Variants in PELI2 observed in about 807,000 individuals in gnomAD.
The protein encoded by PELI2 is pellino E3 ubiquitin protein ligase family member 2.
A neutral mutation model predicts 42.3 loss-of-function variants in PELI2; 23 were observed. That is an observed-to-expected ratio of 0.54 (90% CI 0.39 to 0.77). The LOEUF is 0.77. Among genes scored for constraint, PELI2 ranks in the 30% least tolerant of loss-of-function variants. The pLI, the probability that PELI2 is intolerant of heterozygous loss-of-function variation, is 0.00. For synonymous variants in PELI2, 245 were observed against 212.2 expected (o/e 1.15, Z -1.34); for missense variants, 463 against 553.2 (o/e 0.84, Z 1.64).
intron 2 of PELI2, among the ~76,000 whole-genome samples, chr14:56,230,303 T>C (rs757466483): frequency 6.6e-6 from 1 of 152,116 alleles, no homozygotes; most frequent in Non-Finnish European, 1.5e-5. Context: ...GATTGTCAGA[T>C]TCACCAAAGT....
intron 2 of PELI2, among the ~76,000 whole-genome samples, chr14:56,275,253 A>G (rs1228779825): frequency 2.6e-5 from 4 of 152,112 alleles, no homozygotes; most frequent in Admixed American, 2.6e-4. Context: ...ATAGGAAATC[A>G]TTATTGTCTA....
chr14:56,225,428 C>T (rs1057038257), intron 2 of PELI2, among the ~76,000 whole-genome samples: 1 of 152,102 alleles, frequency 6.6e-6, no homozygotes, highest in Non-Finnish European at 1.5e-5. Context: ...ATGAGGAGCC[C>T]GTGATTAGAG....
chr14:56,225,030 T>G (rs1887291219), intron 2 of PELI2, among the ~76,000 whole-genome samples: 1 of 152,180 alleles, frequency 6.6e-6, no homozygotes, highest in Admixed American at 6.6e-5. Context: ...TAACTGTATG[T>G]TCAGTGGATG....
chr14:56,181,840 ATGTGTGTGTGTG>A (rs3042510), intron 2 of PELI2, among the ~76,000 whole-genome samples: 19,280 of 148,340 alleles, frequency 0.13, 1,400 homozygotes, highest in Middle Eastern at 0.18. Context: ...TGATTATGTA[ATGTGTGTGTGTG>A]TGTGTGTGTG....
chr14:56,253,721 A>G (rs951530424), intron 2 of PELI2, among the ~76,000 whole-genome samples: 2 of 152,218 alleles, frequency 1.3e-5, no homozygotes, highest in Admixed American at 6.5e-5. Context: ...AAACGGAAAA[A>G]CATTCCACGC....
chr14:56,200,843 A>G (rs1350807351), intron 2 of PELI2, among the ~76,000 whole-genome samples: 1 of 152,178 alleles, frequency 6.6e-6, no homozygotes, highest in Non-Finnish European at 1.5e-5. Flanking sequence ...TCAAACAAAC[A>G]TTCTGATTGT....
At chr14:56,169,132 G>C (rs746056554) in intron 1 of PELI2, among the ~76,000 whole-genome samples, 1 of 152,136 alleles carries the variant, frequency 6.6e-6, no homozygotes, top group Non-Finnish European at 1.5e-5. Context: ...GCCACAAGCT[G>C]TGCAGCCTGA....
At chr14:56,208,833 A>G (rs1232726621) in intron 2 of PELI2, among the ~76,000 whole-genome samples, 1 of 152,190 alleles carries the variant, frequency 6.6e-6, no homozygotes, top group Non-Finnish European at 1.5e-5. Flanking sequence ...TTTTTACCTA[A>G]AAGAATGACA....
At chr14:56,167,476 AC>A (rs768732912) in intron 1 of PELI2, among the ~76,000 whole-genome samples, 11 of 152,296 alleles carry the variant, frequency 7.2e-5, no homozygotes, top group Admixed American at 2.0e-4. Flanking sequence ...ATTCTTCAGT[AC>A]ACCAATTGCA....
chr14:56,197,150 G>A lies in PELI2; in HGVS notation c.207+18686G>A, dbSNP rs947762715. On this transcript the variant is annotated intron_variant, in intron 2 of 5. Coordinates refer to ENST00000267460, the MANE Select transcript of PELI2 (RefSeq NM_021255.3). This position sits in a 1 kb window ranked among gnomAD's most constrained non-coding sequence, Gnocchi z 4.9. ...GGTCCCTGCACAAATGGAGGTTGTAGGGTCAGAGGCAGGCAATAAATAAGA... is the reference window on the plus strand; with the variant it reads ...GGTCCCTGCACAAATGGAGGTTGTAAGGTCAGAGGCAGGCAATAAATAAGA... Among the ~76,000 whole-genome samples, 1 of 152,158 alleles carries A rather than the reference G, an allele frequency of 6.6e-6. No homozygotes were observed. Among genetic ancestry groups the A allele is most frequent in the African/African-American group, 2.4e-5 (1 of 41,430 alleles).
intron 1 of PELI2, among the ~76,000 whole-genome samples, chr14:56,168,545 G>T (rs938727517): frequency 2.0e-5 from 3 of 152,042 alleles, no homozygotes; most frequent in Non-Finnish European, 4.4e-5. Flanking sequence ...AATGCTGCCT[G>T]GCCTGGGACT....
rs1384117799 is a variant in PELI2 at position 56,288,322 on chromosome 14, C to A, written c.310-115C>A. 1.3e-6 allele frequency: 1 copy of A among 746,448 alleles called. No individual in the cohort carries two copies. The highest frequency in any genetic ancestry group is 1.8e-5 in the South Asian group (1 of 56,044). The allele number at this position is 746,448 out of a possible 1,614,324, so 46.2% of individuals were successfully genotyped here. On this transcript the variant is annotated intron_variant, in intron 3 of 5. Transcript: ENST00000267460. The surrounding 1 kb of genome is among the most constrained non-coding windows in gnomAD (Gnocchi z 4.6). ...ATGAAAATCTTGCATTAAATTCTAA[C>A]CCTCAGAACAAGGATAGTGAATGTT...
At chr14:56,179,870 C>G (rs1885518929) in intron 2 of PELI2, among the ~76,000 whole-genome samples, 1 of 152,064 alleles carries the variant, frequency 6.6e-6, no homozygotes, top group Admixed American at 6.6e-5. Flanking sequence ...TTGTTTCCTT[C>G]CTCTTTTTTA....
intron 2 of PELI2, among the ~76,000 whole-genome samples, chr14:56,213,395 A>G (rs1367088925): frequency 6.6e-6 from 1 of 152,232 alleles, no homozygotes; most frequent in Non-Finnish European, 1.5e-5. Context: ...TTGGATACCC[A>G]GAGAGGAGTA....
At chr14:56,241,598 T>G (rs1375907706) in intron 2 of PELI2, among the ~76,000 whole-genome samples, 1 of 152,074 alleles carries the variant, frequency 6.6e-6, no homozygotes, top group Non-Finnish European at 1.5e-5. Flanking sequence ...GGAGTATATA[T>G]TCTGTTGGAA....
intron 1 of PELI2, among the ~76,000 whole-genome samples, chr14:56,176,402 T>G (rs1885386304): frequency 6.6e-6 from 1 of 152,142 alleles, no homozygotes; most frequent in African/African-American, 2.4e-5. Context: ...GGAGTTTTGT[T>G]GGTGGCTTAC....
At chr14:56,233,289 A>G (rs953064670) in intron 2 of PELI2, among the ~76,000 whole-genome samples, 13 of 152,238 alleles carry the variant, frequency 8.5e-5, no homozygotes, top group African/African-American at 3.1e-4. Flanking sequence ...AAGAGCCCAC[A>G]TTGCCAAGTC....
intron 2 of PELI2, among the ~76,000 whole-genome samples, chr14:56,227,387 A>C (rs1309987730): frequency 6.6e-6 from 1 of 152,262 alleles, no homozygotes; most frequent in Admixed American, 6.5e-5. Context: ...GGTTAGTTAC[A>C]TACAGGAAAA....
At chr14:56,160,367 G>A (rs1327588986) in intron 1 of PELI2, among the ~76,000 whole-genome samples, 1 of 152,182 alleles carries the variant, frequency 6.6e-6, no homozygotes, top group African/African-American at 2.4e-5. Context: ...TGGAGGCAGA[G>A]CCAGGACACA....
Sources: allele counts gnomAD v4.1 joint callset (sites outside exome capture counted in the v4.1 genomes callset), GRCh38; gene constraint gnomAD v4.1.1; non-coding constraint Gnocchi (gnomAD v3.1); transcripts MANE v1.5; gene names NCBI Gene and HGNC (gene_info 2026-07-23, HGNC 2026-07-21).